Variants in CCSER1 observed in about 807,000 individuals in gnomAD.
CCSER1 encodes serine-rich coiled-coil domain-containing protein 1.
A neutral mutation model predicts 82.0 loss-of-function variants in CCSER1; 41 were observed. That is an observed-to-expected ratio of 0.50 (90% CI 0.39 to 0.65). The LOEUF (loss-of-function observed/expected upper bound fraction) is 0.65. Among genes scored for constraint, CCSER1 ranks in the 30% least tolerant of loss-of-function variants. CCSER1 has a pLI of 0.00. For missense variants in CCSER1, 1,119 were observed against 1,064.2 expected, an observed-to-expected ratio of 1.05 and a Z score of -0.72; for synonymous variants, 414 against 383.9, an observed-to-expected ratio of 1.08 and a Z score of -0.92.
intron 8 of CCSER1, among the ~76,000 whole-genome samples, chr4:90,850,365 C>T (rs951411176): frequency 3.3e-5 from 5 of 152,156 alleles, no homozygotes; most frequent in Middle Eastern, 3.2e-3. Flanking sequence ...ATCCCAGAAT[C>T]ATAGATCCAC....
At chr4:91,431,816 C>G (rs1333164569) in intron 10 of CCSER1, among the ~76,000 whole-genome samples, 1 of 152,040 alleles carries the variant, frequency 6.6e-6, no homozygotes, top group Non-Finnish European at 1.5e-5. Flanking sequence ...TGTCTAACAC[C>G]TTGTTATTTT....
At chr4:90,238,654 C>T (rs1392906762) in intron 1 of CCSER1, among the ~76,000 whole-genome samples, 2 of 152,108 alleles carry the variant, frequency 1.3e-5, no homozygotes, top group East Asian at 1.9e-4. Flanking sequence ...CTCACACCCC[C>T]TCAACTCGTG....
intron 1 of CCSER1, among the ~76,000 whole-genome samples, chr4:90,220,546 C>T (rs1262910267): frequency 6.6e-6 from 1 of 151,932 alleles, no homozygotes; most frequent in Non-Finnish European, 1.5e-5. Flanking sequence ...AAACAGAAAT[C>T]AGGTTTGATG....
In CCSER1 at chr4:90,777,350, A is replaced by G. The variant is rs78723145; in HGVS notation, c.2011-38412A>G. ...CCAGCCTGGGCTACAGAGTGACTCCATCTCAAAAAAAAAAAAAAAAAAAAA... is the reference window on the plus strand; with the variant it reads ...CCAGCCTGGGCTACAGAGTGACTCCGTCTCAAAAAAAAAAAAAAAAAAAAA... On this transcript the variant is annotated intron_variant, in intron 7 of 10. Coordinates refer to ENST00000509176, the MANE Select transcript of CCSER1 (RefSeq NM_001145065.2). 2.3e-3 allele frequency among the ~76,000 whole-genome samples: 228 copies of G among 100,682 alleles called. 4 individuals are homozygous for G. The East Asian group carries it at 0.043, about 19-fold the overall frequency. The allele number at this position is 100,682 out of a possible 152,430, so 66.1% of individuals were successfully genotyped here.
intron 10 of CCSER1, among the ~76,000 whole-genome samples, chr4:91,497,358 A>G (rs1486223790): frequency 6.6e-6 from 1 of 151,776 alleles, no homozygotes; most frequent in Non-Finnish European, 1.5e-5. Context: ...TTTCTAAAAA[A>G]AATACTGGTG....
chr4:91,579,460 T>C (rs1013169386), intron 10 of CCSER1, among the ~76,000 whole-genome samples: 4 of 151,758 alleles, frequency 2.6e-5, no homozygotes, highest in African/African-American at 9.7e-5. Flanking sequence ...ATCTATGTGA[T>C]GAAAACATTA....
chr4:91,182,251 A>T (rs1039416973), intron 10 of CCSER1, among the ~76,000 whole-genome samples: 4 of 152,182 alleles, frequency 2.6e-5, no homozygotes, highest in Non-Finnish European at 4.4e-5. Flanking sequence ...TCTTGATGGT[A>T]TCCAAATTGG....
intron 3 of CCSER1, among the ~76,000 whole-genome samples, chr4:90,324,757 C>A (rs896727016): frequency 1.3e-5 from 2 of 152,180 alleles, no homozygotes; most frequent in African/African-American, 4.8e-5. Context: ...TGCCTACATC[C>A]TGAATGGTAA....
At chr4:90,513,410 C>T (rs2153619215) in intron 5 of CCSER1, among the ~76,000 whole-genome samples, 1 of 152,270 alleles carries the variant, frequency 6.6e-6, no homozygotes, top group East Asian at 1.9e-4. Context: ...CAATCTGGAA[C>T]CTCTGATAAT....
At chr4:91,054,688 A>T (rs1029877342) in intron 9 of CCSER1, among the ~76,000 whole-genome samples, 1 of 150,468 alleles carries the variant, frequency 6.6e-6, no homozygotes, top group African/African-American at 2.5e-5. Context: ...GACAAGCAGT[A>T]TCTCAGATTT....
chr4:90,391,485 T>TACACAC (rs1215609189), intron 3 of CCSER1, among the ~76,000 whole-genome samples: 2 of 76,650 alleles, frequency 2.6e-5, no homozygotes, highest in African/African-American at 1.5e-4. Flanking sequence ...TATATATATA[T>TACACAC]ACACACACAC....
At chr4:91,444,088 A>G (rs1267705563) in intron 10 of CCSER1, among the ~76,000 whole-genome samples, 1 of 152,150 alleles carries the variant, frequency 6.6e-6, no homozygotes, top group East Asian at 1.9e-4. Flanking sequence ...CATATAATAC[A>G]CAGGAATATT....
At chr4:90,943,599 A>G (rs946919770) in intron 9 of CCSER1, among the ~76,000 whole-genome samples, 2 of 151,880 alleles carry the variant, frequency 1.3e-5, no homozygotes, top group South Asian at 2.1e-4. Flanking sequence ...TTCTTGTTCT[A>G]TCACCCAGGC....
At chr4:91,117,738 CCA>C (rs1726748210) in intron 10 of CCSER1, among the ~76,000 whole-genome samples, 1 of 152,112 alleles carries the variant, frequency 6.6e-6, no homozygotes, top group African/African-American at 2.4e-5. Flanking sequence ...GTGGTGTCAA[CCA>C]CACTTTAAAA....
chr4:91,597,394 A>T (rs1764634900), intron 10 of CCSER1, among the ~76,000 whole-genome samples: 1 of 152,136 alleles, frequency 6.6e-6, no homozygotes, highest in Admixed American at 6.6e-5. Flanking sequence ...AGGAAGAAAG[A>T]GTAGAAATGA....
In CCSER1 at chr4:91,067,118, C is replaced by G. The variant is rs531755056; in HGVS notation, c.2173-18832C>G. On this transcript the variant is annotated intron_variant, in intron 9 of 10. Coordinates refer to ENST00000509176, the MANE Select transcript of CCSER1 (RefSeq NM_001145065.2). ...GGCGGAGCTTGCAGTGAGCAGAGAT[C>G]GCGCCACTGCACTACAGCCTGGGCG... Among the ~76,000 whole-genome samples, 17 of 151,108 alleles carry G rather than the reference C, an allele frequency of 1.1e-4. 1 individual carries two copies. The South Asian group carries it at 3.6e-3, about 32-fold the overall frequency.
intron 10 of CCSER1, among the ~76,000 whole-genome samples, chr4:91,465,730 T>C (rs1015418638): frequency 3.9e-5 from 6 of 152,072 alleles, no homozygotes; most frequent in African/African-American, 9.7e-5. Context: ...AACACCTCTA[T>C]ACAAATAAAC....
chr4:90,459,331 G>T (rs1356744814), intron 4 of CCSER1, among the ~76,000 whole-genome samples: 1 of 152,202 alleles, frequency 6.6e-6, no homozygotes. Flanking sequence ...CAGCCATTAG[G>T]TGGGAGTTTG....
At chr4:91,514,129 C>T (rs1463769761) in intron 10 of CCSER1, among the ~76,000 whole-genome samples, 1 of 152,118 alleles carries the variant, frequency 6.6e-6, no homozygotes, top group African/African-American at 2.4e-5. Context: ...ACTTTTGCTG[C>T]ATCCCCTAGA....
Sources: gnomAD v4.1 joint callset for allele counts (sites outside exome capture counted in the v4.1 genomes callset) on GRCh38, gnomAD v4.1.1 for gene constraint, MANE v1.5 for transcripts, NCBI Gene and HGNC (gene_info 2026-07-23, HGNC 2026-07-21) for gene names.